Variants in KLRG1 observed in about 807,000 individuals in gnomAD.
The protein encoded by KLRG1 is killer cell lectin-like receptor subfamily G member 1.
In KLRG1, 16 loss-of-function variants were observed where a neutral mutation model predicts 21.8. The observed-to-expected ratio is 0.73, with a 90% CI of 0.50 to 1.11. The LOEUF (loss-of-function observed/expected upper bound fraction) is 1.11, where lower values mean the gene tolerates loss of function less well. KLRG1 is among the 50% of genes most tolerant of loss of function. The probability of loss-of-function intolerance (pLI) is 0.00; values close to 1 mark genes in which losing one functional copy is unlikely to be tolerated. For missense variants in KLRG1, 173 were observed against 218.3 expected, an observed-to-expected ratio of 0.79 and a Z score of 1.31; for synonymous variants, 69 against 75.9, an observed-to-expected ratio of 0.91 and a Z score of 0.47.
the KLRG1 span, chr12:9,113,617 C>T: frequency 7.1e-7 from 1 of 1,407,288 alleles, no homozygotes; most frequent in South Asian, 1.2e-5. Context: ...TTTTTTCCAT[C>T]ATCATAATTA....
At chr12:9,095,776 G>A in the KLRG1 span, 2 of 1,156,362 alleles carry the variant, frequency 1.7e-6, no homozygotes, top group Non-Finnish European at 2.3e-6. Context: ...TTTTTGAGAC[G>A]GAGTCTCGCT....
chr12:9,192,576 G>T, the KLRG1 span: 1 of 1,614,200 alleles, frequency 6.2e-7, no homozygotes, highest in Non-Finnish European at 8.5e-7. Flanking sequence ...ATAGTGTGCC[G>T]TGATAGTCTC....
the KLRG1 span, chr12:9,106,322 A>C: frequency 6.2e-7 from 1 of 1,611,716 alleles, no homozygotes; most frequent in African/African-American, 1.3e-5. Context: ...ATTTCACTGG[A>C]CTGCCTTCCA....
Position 9,010,532 on chromosome 12 carries a change from C to T in KLRG1, c.*995C>T, listed in dbSNP as rs1947612855. 6.5e-6 allele frequency: 1 copy of T among 153,402 alleles called. No homozygotes were observed. Among genetic ancestry groups the T allele is most frequent in the Admixed American group, 6.5e-5 (1 of 15,402 alleles). 9.5% of individuals were successfully genotyped at this position (153,402 alleles called of 1,614,324 possible). A position where few individuals can be genotyped will look rare whatever the true frequency, so the allele number is the denominator to read the frequency against. ...TAAGAAAAACTTTATTATTTCTCCT[C>T]AGTAGAGTTTGGACATACATAAGGA... is the stretch of plus-strand genomic sequence containing the variant. On this transcript the variant is annotated 3_prime_UTR_variant, in exon 5 of 5. Transcript: ENST00000356986.
chr12:9,192,425 A>T, the KLRG1 span: 1 of 1,351,518 alleles, frequency 7.4e-7, no homozygotes, highest in South Asian at 1.2e-5. Context: ...GGCTGTGTGC[A>T]AGTAGTTTAT....
At chr12:9,209,917 A>G in the KLRG1 span, among the ~76,000 whole-genome samples, 1 of 152,162 alleles carries the variant, frequency 6.6e-6, no homozygotes, top group Non-Finnish European at 1.5e-5. Context: ...ATGACCATCT[A>G]TACGACATTC....
At chr12:9,031,476 G>C in the KLRG1 span, among the ~76,000 whole-genome samples, 1 of 152,136 alleles carries the variant, frequency 6.6e-6, no homozygotes, top group African/African-American at 2.4e-5. Context: ...GGCCGCTGCT[G>C]GTACCTTAGC....
chr12:9,013,933 T>A (rs764915634), downstream of KLRG1, among the ~76,000 whole-genome samples: 1 of 152,012 alleles, frequency 6.6e-6, no homozygotes, highest in Admixed American at 6.6e-5. Context: ...GTTTGAAAAA[T>A]CAAGCAGAAA....
At chr12:9,085,842 G>A in the KLRG1 span, among the ~76,000 whole-genome samples, 1 of 151,806 alleles carries the variant, frequency 6.6e-6, no homozygotes, top group Non-Finnish European at 1.5e-5. Flanking sequence ...AAATACAAAG[G>A]ATCATAAGAG....
chr12:9,211,554 A>G, the KLRG1 span, among the ~76,000 whole-genome samples: 2 of 151,972 alleles, frequency 1.3e-5, no homozygotes, highest in Non-Finnish European at 1.5e-5. Flanking sequence ...CATCTTTAAG[A>G]TGATTATTTT....
At chr12:9,207,344 A>G in the KLRG1 span, among the ~76,000 whole-genome samples, 3 of 152,120 alleles carry the variant, frequency 2.0e-5, no homozygotes, top group Admixed American at 1.3e-4. Flanking sequence ...CTATTATTGG[A>G]CCCAAGAGTT....
At chr12:9,059,563 T>A in the KLRG1 span, among the ~76,000 whole-genome samples, 1 of 152,228 alleles carries the variant, frequency 6.6e-6, no homozygotes, top group Non-Finnish European at 1.5e-5. Context: ...GACAGCTCCC[T>A]GTGTAACTAT....
the KLRG1 span, among the ~76,000 whole-genome samples, chr12:9,145,756 G>A: frequency 7.2e-5 from 11 of 152,192 alleles, no homozygotes; most frequent in Admixed American, 3.3e-4. Context: ...CTCAGCTTTC[G>A]TTTGTCTGAG....
the KLRG1 span, among the ~76,000 whole-genome samples, chr12:9,214,205 C>G: frequency 1.3e-5 from 2 of 151,968 alleles, no homozygotes; most frequent in South Asian, 2.1e-4. Flanking sequence ...TATCCTTATG[C>G]TAGTACCATG....
At chr12:9,079,892 G>A in the KLRG1 span, 3 of 1,336,500 alleles carry the variant, frequency 2.2e-6, no homozygotes, top group African/African-American at 3.0e-5. Context: ...GAAATAATTA[G>A]TTGAGCTTAG....
At chr12:9,186,850 G>C in the KLRG1 span, among the ~76,000 whole-genome samples, 2 of 150,670 alleles carry the variant, frequency 1.3e-5, no homozygotes, top group Admixed American at 6.6e-5. Context: ...GGGGCCTGTC[G>C]GGGGTGGGGG....
At chr12:9,204,792 T>TA in the KLRG1 span, among the ~76,000 whole-genome samples, 290 of 150,808 alleles carry the variant, frequency 1.9e-3, no homozygotes, top group Admixed American at 3.4e-3. Context: ...ATCTTTTCAA[T>TA]AAAAAAAAAC....
chr12:8,995,045 C>G, intron 2 of KLRG1, 74 bp from the exon 3 acceptor site: 1 of 1,386,094 alleles, frequency 7.2e-7, no homozygotes, highest in Non-Finnish European at 9.8e-7. Context: ...CTGCCATATT[C>G]CATTTTATCT....
At chr12:9,112,238 C>G in the KLRG1 span, 3 of 1,613,638 alleles carry the variant, frequency 1.9e-6, no homozygotes, top group Non-Finnish European at 2.5e-6. Context: ...TTTCATGAGC[C>G]CCCAAACCCA....
Sources: gnomAD v4.1 joint callset for allele counts (sites outside exome capture counted in the v4.1 genomes callset) on GRCh38, gnomAD v4.1.1 for gene constraint, MANE v1.5 for transcripts, NCBI Gene and HGNC (gene_info 2026-07-23, HGNC 2026-07-21) for gene names.